Variants in ST6GAL1 observed in about 807,000 individuals in gnomAD.
The protein encoded by ST6GAL1 is ST6 beta-galactoside alpha-2,6-sialyltransferase 1.
Under a neutral mutation model 38.0 loss-of-function variants are expected in ST6GAL1, and 20 were observed. The observed-to-expected ratio is 0.53, with a 90% CI of 0.37 to 0.77. ST6GAL1 has a LOEUF of 0.77. Ranked by LOEUF, ST6GAL1 falls within the 30% of genes least tolerant of loss-of-function variation. The pLI is 0.00. For synonymous variants in ST6GAL1, 196 were observed against 188.2 expected (o/e 1.04, Z -0.34); for missense variants, 432 against 496.4 (o/e 0.87, Z 1.23).
At position 186,952,554 on chromosome 3, in the gene ST6GAL1, G is replaced by T. The variant is rs1424994843; in HGVS notation, c.-324-11231G>T. Among the ~76,000 whole-genome samples the T allele has an allele frequency of 6.6e-6, 1 of 151,610 alleles. No individual in the cohort carries two copies. Among genetic ancestry groups the T allele is most frequent in the Admixed American group, 6.6e-5 (1 of 15,196 alleles). On this transcript the variant is annotated intron_variant, in intron 1 of 7. Transcript: ENST00000169298. The surrounding 1 kb of genome is among the most constrained non-coding windows in gnomAD (Gnocchi z 4.1). Reference sequence around the variant, plus strand: ...GAGTCTCACTCTCTTACCCAGGCTGGAGTGCAGTGGCGCGATCTCAGCTCA... The same window carrying T: ...GAGTCTCACTCTCTTACCCAGGCTGTAGTGCAGTGGCGCGATCTCAGCTCA...
chr3:186,969,051 C>CT lies in ST6GAL1; in HGVS notation c.-183+5143dup, dbSNP rs34520153. ...TTCTTTTTTTCTTTCTTCTCTTTTT[C>CT]TTTTTTTTTTTTTTTTTTGAGACAG... On this transcript the variant is annotated intron_variant, in intron 2 of 7. Transcript: ENST00000169298. 4.8e-3 allele frequency among the ~76,000 whole-genome samples: 432 copies of CT among 89,168 alleles called. 8 individuals carry two copies. The highest frequency in any genetic ancestry group is 0.014 in the African/African-American group (329 of 24,178). 58.5% of individuals were successfully genotyped at this position (89,168 alleles called of 152,430 possible). A position where few individuals can be genotyped will look rare whatever the true frequency, so the allele number is the denominator to read the frequency against.
chr3:187,023,562 A>T (rs1717404410), intron 2 of ST6GAL1, among the ~76,000 whole-genome samples: 1 of 152,250 alleles, frequency 6.6e-6, no homozygotes, highest in South Asian at 2.1e-4. Flanking sequence ...GCCATGAAAA[A>T]TGATGAGTTC....
At chr3:186,946,520 C>G (rs1409493081) in intron 1 of ST6GAL1, among the ~76,000 whole-genome samples, 2 of 152,082 alleles carry the variant, frequency 1.3e-5, no homozygotes, top group Non-Finnish European at 2.9e-5. Flanking sequence ...GTTGGGATTA[C>G]AGGTCTGAGC....
At chr3:187,067,096 T>G (rs1309953055) in intron 5 of ST6GAL1, among the ~76,000 whole-genome samples, 1 of 98,206 alleles carries the variant, frequency 1.0e-5, no homozygotes, top group African/African-American at 5.2e-5. Flanking sequence ...TTTTTTTTTT[T>G]TTTTTTTTTT....
chr3:186,955,802 G>T (rs932076395), intron 1 of ST6GAL1, among the ~76,000 whole-genome samples: 11 of 152,080 alleles, frequency 7.2e-5, no homozygotes, highest in African/African-American at 2.7e-4. Flanking sequence ...TGCCCGGCCT[G>T]TGTCCTCTCT....
At chr3:186,980,369 A>G (rs1392537747) in intron 2 of ST6GAL1, among the ~76,000 whole-genome samples, 1 of 152,140 alleles carries the variant, frequency 6.6e-6, no homozygotes, top group African/African-American at 2.4e-5. Flanking sequence ...AAGAAATGTT[A>G]GCTGTTAGTA....
rs746081323 is a variant in ST6GAL1 at position 187,043,278 on chromosome 3, C to T, written c.575C>T (p.Ser192Phe). 1.2e-6 allele frequency: 2 copies of T among 1,614,028 alleles called. No homozygotes were observed. Among genetic ancestry groups the T allele is most frequent in the South Asian group, 2.2e-5 (2 of 91,056 alleles). The change falls in exon 4 of 8, where the codon TCT becomes TTT. Residue 192 changes from serine (S) to phenylalanine (F), a missense_variant. Coordinates refer to ENST00000169298, the MANE Select transcript of ST6GAL1 (RefSeq NM_173216.2). ...TGTGCTGTTGTGTCGTCAGCGGGAT[C>T]TCTGAAGTCCTCCCAACTAGGCAGA... ...GRCAVVSSAGSLKSSQLGREI... is the reference protein window; with the variant it reads ...GRCAVVSSAGFLKSSQLGREI...
chr3:187,032,192 G>A (rs1717775713), intron 2 of ST6GAL1, among the ~76,000 whole-genome samples: 1 of 152,218 alleles, frequency 6.6e-6, no homozygotes, highest in South Asian at 2.1e-4. Flanking sequence ...AAAATGGAGA[G>A]TGATTTTTAT....
chr3:186,987,716 A>G (rs1208970334), intron 2 of ST6GAL1, among the ~76,000 whole-genome samples: 2 of 152,266 alleles, frequency 1.3e-5, no homozygotes, highest in Admixed American at 1.3e-4. Flanking sequence ...AGGAATAATT[A>G]TAAACCAACT....
chr3:187,047,587 A>G (rs1343818564), intron 4 of ST6GAL1, among the ~76,000 whole-genome samples: 1 of 152,024 alleles, frequency 6.6e-6, no homozygotes, highest in Non-Finnish European at 1.5e-5. Context: ...TCTAATTCTA[A>G]GTTACAGAGA....
At chr3:187,063,470 G>A in intron 5 of ST6GAL1, among the ~76,000 whole-genome samples, 1 of 152,234 alleles carries the variant, frequency 6.6e-6, no homozygotes, top group Middle Eastern at 3.2e-3. Context: ...GATGAATGGA[G>A]TAGGATTTCC....
intron 2 of ST6GAL1, among the ~76,000 whole-genome samples, chr3:187,012,494 TC>T (rs941898630): frequency 2.6e-5 from 4 of 152,170 alleles, no homozygotes; most frequent in Admixed American, 6.5e-5. Flanking sequence ...GACCTTGTGA[TC>T]CATCCACCTC....
chr3:187,078,229 T>C lies in ST6GAL1; in HGVS notation c.*2426T>C, dbSNP rs1046370230. 4 of 152,580 alleles carry C rather than the reference T, an allele frequency of 2.6e-5. No homozygotes were observed. The highest frequency in any genetic ancestry group is 2.0e-4 in the Admixed American group (3 of 15,280). 9.5% of individuals were successfully genotyped at this position (152,580 alleles called of 1,614,324 possible). A position where few individuals can be genotyped will look rare whatever the true frequency, so the allele number is the denominator to read the frequency against. On this transcript the variant is annotated 3_prime_UTR_variant, in exon 8 of 8. Transcript: ENST00000169298. The stretch of plus-strand genomic sequence containing the variant: ...ATGATTCTGAAGTCTACAGAACTTT[T>C]AGTTCTGTGCTGTCTATGTGGACAC...
intron 2 of ST6GAL1, among the ~76,000 whole-genome samples, chr3:187,009,566 A>G (rs963384559): frequency 7.9e-5 from 12 of 152,250 alleles, no homozygotes; most frequent in African/African-American, 2.9e-4. Context: ...CAGGAGCTCA[A>G]GGCTGCAGTG....
At chr3:187,069,517 C>T (rs916985173) in intron 5 of ST6GAL1, among the ~76,000 whole-genome samples, 1 of 152,184 alleles carries the variant, frequency 6.6e-6, no homozygotes, top group Non-Finnish European at 1.5e-5. Flanking sequence ...CCCTCACTCT[C>T]AACATTCAAT....
At chr3:186,989,494 A>G (rs1049017359) in intron 2 of ST6GAL1, among the ~76,000 whole-genome samples, 5 of 152,196 alleles carry the variant, frequency 3.3e-5, no homozygotes, top group Non-Finnish European at 4.4e-5. Flanking sequence ...ATTTTTATTC[A>G]TCAGATAGAG....
chr3:186,994,475 A>C (rs950800464), intron 2 of ST6GAL1, among the ~76,000 whole-genome samples: 8 of 152,188 alleles, frequency 5.3e-5, no homozygotes, highest in Admixed American at 5.2e-4. Flanking sequence ...GGCTGTATAA[A>C]CAGACCATAT....
chr3:187,035,022 G>C (rs534310563), intron 2 of ST6GAL1, among the ~76,000 whole-genome samples: 2 of 152,130 alleles, frequency 1.3e-5, no homozygotes, highest in South Asian at 4.1e-4. Flanking sequence ...CTGCCAAAAG[G>C]CTTCTGGAAC....
At chr3:187,000,972 G>A (rs1716598367) in intron 2 of ST6GAL1, among the ~76,000 whole-genome samples, 1 of 152,222 alleles carries the variant, frequency 6.6e-6, no homozygotes, top group Non-Finnish European at 1.5e-5. Context: ...TTTTAGAACA[G>A]TGCTTGTGTA....
Sources: allele counts gnomAD v4.1 joint callset (sites outside exome capture counted in the v4.1 genomes callset), GRCh38; gene constraint gnomAD v4.1.1; non-coding constraint Gnocchi (gnomAD v3.1); transcripts MANE v1.5; gene names NCBI Gene and HGNC (gene_info 2026-07-23, HGNC 2026-07-21).